TMPRSS15: variants seen among roughly 807,000 people sequenced by gnomAD.
TMPRSS15 encodes the protein transmembrane serine protease 15.
TMPRSS15 carries 128 observed loss-of-function variants against 125.3 expected under a neutral mutation model. The ratio of observed to expected loss-of-function variants is 1.02; its 90% CI spans 0.89 to 1.18. TMPRSS15 has a LOEUF of 1.18. Ranked by LOEUF, TMPRSS15 falls within the 50% of genes most tolerant of loss-of-function variation. The probability of loss-of-function intolerance (pLI) is 0.00; values close to 1 mark genes in which losing one functional copy is unlikely to be tolerated. For synonymous variants in TMPRSS15, 446 were observed against 423.2 expected (o/e 1.05, Z -0.66); for missense variants, 1,283 against 1,212.7 (o/e 1.06, Z -0.86).
At chr21:18,305,564 C>T (rs1196295057) in intron 18 of TMPRSS15, among the ~76,000 whole-genome samples, 1 of 152,092 alleles carries the variant, frequency 6.6e-6, no homozygotes, top group Non-Finnish European at 1.5e-5. Flanking sequence ...ACATTGAGAT[C>T]CACTGACCTA....
chr21:18,319,893 C>T (rs1462993240), intron 16 of TMPRSS15, among the ~76,000 whole-genome samples: 2 of 152,130 alleles, frequency 1.3e-5, no homozygotes, highest in Non-Finnish European at 2.9e-5. Flanking sequence ...TTGAAGAAAT[C>T]TGTATTTTTT....
At chr21:18,294,143 T>C (rs2074871743) in intron 21 of TMPRSS15, 127 bp downstream of exon 21, 1 of 1,132,234 alleles carries the variant, frequency 8.8e-7, no homozygotes, top group Non-Finnish European at 1.3e-6. Flanking sequence ...AATTGGAATG[T>C]TTATAATGTC....
chr21:18,326,674 G>A (rs1228138120), intron 15 of TMPRSS15, 102 bp from the exon 16 acceptor site: 15 of 1,361,838 alleles, frequency 1.1e-5, no homozygotes, highest in Non-Finnish European at 1.6e-5. Context: ...AGGGCTACAT[G>A]TTACATGGCT....
At chr21:18,327,768 G>A (rs1489791426) in intron 15 of TMPRSS15, among the ~76,000 whole-genome samples, 1 of 152,060 alleles carries the variant, frequency 6.6e-6, no homozygotes, top group East Asian at 1.9e-4. Flanking sequence ...CTTTTTAGTT[G>A]TGCCATGTCA....
At chr21:18,276,565 CAAT>C (rs1374648179) in intron 23 of TMPRSS15, among the ~76,000 whole-genome samples, 1 of 152,028 alleles carries the variant, frequency 6.6e-6, no homozygotes, top group Non-Finnish European at 1.5e-5. Context: ...TGCTGCTTGT[CAAT>C]GATTTAAAAT....
At chr21:18,374,296 A>AC (rs1289424734) in intron 5 of TMPRSS15, among the ~76,000 whole-genome samples, 1 of 150,906 alleles carries the variant, frequency 6.6e-6, no homozygotes, top group African/African-American at 2.4e-5. Context: ...ACAAGGTGAA[A>AC]CCCCGTCTCT....
At chr21:18,292,457 C>T (rs756929376) in intron 21 of TMPRSS15, among the ~76,000 whole-genome samples, 22 of 152,122 alleles carry the variant, frequency 1.4e-4, no homozygotes, top group Non-Finnish European at 2.5e-4. Flanking sequence ...TGTGTTTATA[C>T]TAGGTAAAAC....
At chr21:18,378,069 C>A (rs1472933399) in intron 5 of TMPRSS15, among the ~76,000 whole-genome samples, 1 of 152,068 alleles carries the variant, frequency 6.6e-6, no homozygotes, top group Admixed American at 6.6e-5. Flanking sequence ...TTAGATTAAT[C>A]ATTTGATGAA....
At chr21:18,396,752 C>T (rs1171133357) in intron 3 of TMPRSS15, among the ~76,000 whole-genome samples, 1 of 125,042 alleles carries the variant, frequency 8.0e-6, no homozygotes. Context: ...CCAGCCTGGG[C>T]GACAGAATGA....
intron 7 of TMPRSS15, among the ~76,000 whole-genome samples, chr21:18,363,092 T>C (rs1366350684): frequency 6.6e-6 from 1 of 152,098 alleles, no homozygotes; most frequent in Non-Finnish European, 1.5e-5. Context: ...TATAGAAAAA[T>C]TATTGTCTTT....
At chr21:18,371,588 C>A (rs1477014156) in intron 6 of TMPRSS15, among the ~76,000 whole-genome samples, 2 of 152,036 alleles carry the variant, frequency 1.3e-5, no homozygotes, top group African/African-American at 4.8e-5. Flanking sequence ...CATTAACACT[C>A]AAAAAATGCC....
At chr21:18,453,497 G>T (rs932054122) in intron 1 of TMPRSS15, among the ~76,000 whole-genome samples, 1 of 152,136 alleles carries the variant, frequency 6.6e-6, no homozygotes, top group African/African-American at 2.4e-5. Flanking sequence ...AAATCTGCAG[G>T]GTACACTGGC....
intron 8 of TMPRSS15, among the ~76,000 whole-genome samples, chr21:18,355,963 G>A (rs1242341715): frequency 2.0e-5 from 3 of 151,804 alleles, no homozygotes; most frequent in Admixed American, 2.0e-4. Flanking sequence ...CAGGGTTTGT[G>A]TTGAAAGAAA....
intron 1 of TMPRSS15, among the ~76,000 whole-genome samples, chr21:18,399,693 G>C (rs2076077236): frequency 6.6e-6 from 1 of 152,148 alleles, no homozygotes; most frequent in African/African-American, 2.4e-5. Flanking sequence ...CAATTGTACT[G>C]TGGATAAACG....
rs747471398 is a variant in TMPRSS15 at position 18,353,061 on chromosome 21, G to GA, written c.1022-10dup. The stretch of plus-strand genomic sequence containing the variant: ...ATTAATTTTCTCATAATCTGTGAAT[G>GA]AAAAAAAAGAAGGAATAAAAAAAAT... On this transcript the variant is annotated splice_polypyrimidine_tract_variant and intron_variant, in intron 9 of 24. Coordinates refer to ENST00000284885, the MANE Select transcript of TMPRSS15 (RefSeq NM_002772.3). The GA allele has an allele frequency of 5.6e-6, 9 of 1,600,716 alleles. No individual in the cohort carries two copies. The highest frequency in any genetic ancestry group is 1.4e-5 in the African/African-American group (1 of 73,780).
chr21:18,404,900 A>G (rs1190495719), upstream of TMPRSS15, among the ~76,000 whole-genome samples: 2 of 152,036 alleles, frequency 1.3e-5, no homozygotes, highest in African/African-American at 4.8e-5. Context: ...TTTTTAGCTA[A>G]TTGACTTAAA....
chr21:18,329,357 C>G (rs2075322651), intron 14 of TMPRSS15, 63 bp from the exon 15 acceptor site: 5 of 1,531,200 alleles, frequency 3.3e-6, no homozygotes, highest in Non-Finnish European at 4.5e-6. Context: ...AAAAGCTTCA[C>G]TCTCTTGAGA....
chr21:18,430,245 G>A (rs1035564151), intron 1 of TMPRSS15, among the ~76,000 whole-genome samples: 1 of 152,102 alleles, frequency 6.6e-6, no homozygotes, highest in African/African-American at 2.4e-5. Flanking sequence ...TTTTCTATCT[G>A]CTTGAAGAAG....
intron 5 of TMPRSS15, among the ~76,000 whole-genome samples, chr21:18,372,812 T>C (rs1354051752): frequency 6.6e-6 from 1 of 152,242 alleles, no homozygotes; most frequent in Admixed American, 6.5e-5. Flanking sequence ...TGCCATCTTC[T>C]GGAGGGTATC....
Sources: gnomAD v4.1 joint callset for allele counts (sites outside exome capture counted in the v4.1 genomes callset) on GRCh38, gnomAD v4.1.1 for gene constraint, MANE v1.5 for transcripts, NCBI Gene and HGNC (gene_info 2026-07-23, HGNC 2026-07-21) for gene names.